Variants in SEMA6D observed in about 807,000 individuals in gnomAD.
SEMA6D encodes the protein semaphorin-6D.
SEMA6D carries 35 observed loss-of-function variants against 106.6 expected under a neutral mutation model. That is an observed-to-expected ratio of 0.33 (90% CI 0.25 to 0.44). The LOEUF (loss-of-function observed/expected upper bound fraction) is 0.44. Ranked by LOEUF, SEMA6D falls within the 20% of genes least tolerant of loss-of-function variation. The probability of loss-of-function intolerance (pLI) is 1.00; values close to 1 mark genes in which losing one functional copy is unlikely to be tolerated. For missense variants in SEMA6D, 1,185 were observed against 1,345.9 expected (o/e 0.88, Z 1.87); for synonymous variants, 499 against 487.7 (o/e 1.02, Z -0.31).
At chr15:47,271,502 T>C (rs2413868) in intron 1 of SEMA6D, among the ~76,000 whole-genome samples, 67,055 of 151,990 alleles carry the variant, frequency 0.44, 16,819 homozygotes, top group Non-Finnish European at 0.57. Flanking sequence ...ACATTATCAG[T>C]CCACACTTTT....
chr15:47,703,575 T>G (rs1380473602), intron 4 of SEMA6D, among the ~76,000 whole-genome samples: 1 of 152,170 alleles, frequency 6.6e-6, no homozygotes, highest in East Asian at 1.9e-4. Flanking sequence ...CAGAAACTCC[T>G]GCAGAGAAAA....
At chr15:47,336,368 A>G (rs2037557022) in intron 1 of SEMA6D, among the ~76,000 whole-genome samples, 1 of 152,182 alleles carries the variant, frequency 6.6e-6, no homozygotes, top group Non-Finnish European at 1.5e-5. Context: ...CACATAGTGC[A>G]GAGTAGAAGC....
chr15:47,189,990 G>A (rs969916723), intron 1 of SEMA6D, among the ~76,000 whole-genome samples: 8 of 152,158 alleles, frequency 5.3e-5, no homozygotes, highest in African/African-American at 1.9e-4. Context: ...AACCTCAGAG[G>A]ATTATTTATA....
At chr15:47,702,284 A>T (rs114967829) in intron 4 of SEMA6D, among the ~76,000 whole-genome samples, 2 of 152,314 alleles carry the variant, frequency 1.3e-5, no homozygotes, top group African/African-American at 4.8e-5. Flanking sequence ...TCTACATCAT[A>T]TGTCATCAAA....
chr15:47,609,340 T>A (rs1806365121), intron 4 of SEMA6D, among the ~76,000 whole-genome samples: 1 of 152,294 alleles, frequency 6.6e-6, no homozygotes, highest in South Asian at 2.1e-4. Context: ...AGATATATAT[T>A]TGGGGCAGAA....
At chr15:47,277,142 G>A (rs1362045070) in intron 1 of SEMA6D, among the ~76,000 whole-genome samples, 1 of 152,120 alleles carries the variant, frequency 6.6e-6, no homozygotes, top group Admixed American at 6.6e-5. Flanking sequence ...CTTCTTATGG[G>A]TGAGCAAAGA....
chr15:47,762,859 A>G (rs960060585), intron 8 of SEMA6D, among the ~76,000 whole-genome samples, 157 bp from the exon 9 acceptor site: 1 of 152,178 alleles, frequency 6.6e-6, no homozygotes, highest in Non-Finnish European at 1.5e-5. Context: ...AAGCTTGAAC[A>G]CACCCATATT....
intron 4 of SEMA6D, among the ~76,000 whole-genome samples, chr15:47,702,531 G>T (rs1439334): frequency 0.14 from 21,080 of 152,168 alleles, 1,708 homozygotes; most frequent in South Asian, 0.19. Flanking sequence ...TTACCCAGAG[G>T]AGCTGAAAAC....
At chr15:47,315,189 T>C (rs2036616905) in intron 1 of SEMA6D, among the ~76,000 whole-genome samples, 9 of 152,182 alleles carry the variant, frequency 5.9e-5, no homozygotes, top group Admixed American at 5.9e-4. Flanking sequence ...AGTGTTATTT[T>C]CTAGGAGTTT....
chr15:47,219,652 A>G (rs1182991804), intron 1 of SEMA6D, among the ~76,000 whole-genome samples: 1 of 152,184 alleles, frequency 6.6e-6, no homozygotes, highest in East Asian at 1.9e-4. Flanking sequence ...TCCTTACTGT[A>G]TTATTTGCTA....
chr15:47,649,202 C>T (rs975436530), intron 4 of SEMA6D, among the ~76,000 whole-genome samples: 3 of 152,094 alleles, frequency 2.0e-5, no homozygotes, highest in Non-Finnish European at 2.9e-5. Context: ...GTGTACAGGG[C>T]TTTACGTGTC....
chr15:47,558,755 A>G (rs1244843508), intron 3 of SEMA6D, among the ~76,000 whole-genome samples: 2 of 152,118 alleles, frequency 1.3e-5, no homozygotes, highest in Non-Finnish European at 2.9e-5. Context: ...CCTTCAATAA[A>G]TGGGTTTCCC....
At chr15:47,577,693 G>T (rs2076180187) in intron 3 of SEMA6D, among the ~76,000 whole-genome samples, 2 of 152,122 alleles carry the variant, frequency 1.3e-5, no homozygotes, top group African/African-American at 4.8e-5. Flanking sequence ...AGGAATGATG[G>T]CTAAAATTAG....
chr15:47,227,508 TTCTC>T (rs2031805363), intron 1 of SEMA6D, among the ~76,000 whole-genome samples: 2 of 149,350 alleles, frequency 1.3e-5, no homozygotes, highest in Non-Finnish European at 3.0e-5. Flanking sequence ...TTTTCTTTGT[TTCTC>T]TTCTTTTTCT....
rs574906219 is a variant in SEMA6D, at chr15:47,544,002, A to G, written c.-86-56863A>G. Among the ~76,000 whole-genome samples, 6 of 152,306 alleles carry G rather than the reference A, an allele frequency of 3.9e-5. No individual in the cohort carries two copies. The East Asian group carries it at 1.2e-3, about 29-fold the overall frequency. ...TATTTGAAAGTCTCTGCCATTCATC[A>G]GAAGCTTTCCTATTCATCTCCAATA... On this transcript the variant is annotated intron_variant, in intron 3 of 19. Transcript: ENST00000558014.
At chr15:47,581,285 T>C in intron 3 of SEMA6D, 1 of 476,942 alleles carries the variant, frequency 2.1e-6, no homozygotes, top group Non-Finnish European at 4.2e-6. Context: ...TCCTGTGGTT[T>C]ACATTGTGCA....
chr15:47,344,452 G>A (rs1023262879), intron 1 of SEMA6D, among the ~76,000 whole-genome samples: 1 of 152,158 alleles, frequency 6.6e-6, no homozygotes, highest in Non-Finnish European at 1.5e-5. Flanking sequence ...GGAAAAACAA[G>A]GTAGGGCCTA....
intron 1 of SEMA6D, among the ~76,000 whole-genome samples, chr15:47,354,535 C>G (rs2038482953): frequency 6.7e-6 from 1 of 148,460 alleles, no homozygotes; most frequent in Non-Finnish European, 1.5e-5. Flanking sequence ...TATATATACA[C>G]ACATATATGA....
chr15:47,471,747 A>G (rs994467188), intron 3 of SEMA6D, among the ~76,000 whole-genome samples: 3 of 152,112 alleles, frequency 2.0e-5, no homozygotes, highest in Admixed American at 2.0e-4. Context: ...TCTGCTTTTG[A>G]TTTTTAAGTG....
Sources: allele counts gnomAD v4.1 joint callset (sites outside exome capture counted in the v4.1 genomes callset), GRCh38; gene constraint gnomAD v4.1.1; transcripts MANE v1.5; gene names NCBI Gene and HGNC (gene_info 2026-07-23, HGNC 2026-07-21).